Variants in C11orf65 observed in about 807,000 individuals in gnomAD.
The protein encoded by C11orf65 is protein MFI.
C11orf65 carries 38 observed loss-of-function variants against 35.3 expected under a neutral mutation model. The observed-to-expected ratio is 1.08, with a 90% CI of 0.83 to 1.41. C11orf65 has a LOEUF of 1.41. Ranked by LOEUF, C11orf65 falls within the 40% of genes most tolerant of loss-of-function variation. C11orf65 has a pLI of 0.00. For synonymous variants in C11orf65, 105 were observed against 114.4 expected (o/e 0.92, Z 0.53); for missense variants, 370 against 367.1 (o/e 1.01, Z -0.06).
chr11:108,462,809 C>T (rs17108024), intron 1 of C11orf65, among the ~76,000 whole-genome samples: 34,072 of 152,100 alleles, frequency 0.22, 4,888 homozygotes, highest in African/African-American at 0.4. Flanking sequence ...CCAAAGTGAA[C>T]AAATTTTGCT....
intron 2 of C11orf65, among the ~76,000 whole-genome samples, chr11:108,345,547 A>G (rs533131058): frequency 1.3e-4 from 20 of 152,254 alleles, no homozygotes; most frequent in African/African-American, 4.6e-4. Context: ...CTCCCCCAAC[A>G]ATTAATATGG....
intron 3 of C11orf65, among the ~76,000 whole-genome samples, chr11:108,426,959 A>G (rs575083654): frequency 1.3e-4 from 20 of 152,296 alleles, no homozygotes; most frequent in African/African-American, 3.8e-4. Context: ...TTTAATAAAT[A>G]GTGCTGGGAA....
chr11:108,442,115 G>A (rs1227817401), intron 2 of C11orf65, among the ~76,000 whole-genome samples: 1 of 152,140 alleles, frequency 6.6e-6, no homozygotes, highest in East Asian at 1.9e-4. Context: ...AAGAAACAGT[G>A]TAGAGAAGAC....
chr11:108,330,365 C>T (rs2086130320), downstream of C11orf65: 1 of 1,614,048 alleles, frequency 6.2e-7, no homozygotes, highest in South Asian at 1.1e-5. Flanking sequence ...GGTATTCCGA[C>T]TTTGTTCCCT....
intron 2 of C11orf65, among the ~76,000 whole-genome samples, chr11:108,445,741 C>A (rs1360740454): frequency 3.3e-5 from 5 of 152,142 alleles, no homozygotes; most frequent in Non-Finnish European, 7.3e-5. Context: ...GAACGCAGCT[C>A]CTCACCAGCA....
downstream of C11orf65, chr11:108,330,363 G>A (rs773944604): frequency 1.2e-6 from 2 of 1,614,130 alleles, no homozygotes; most frequent in Non-Finnish European, 1.7e-6. Context: ...TGGGTATTCC[G>A]ACTTTGTTCC....
At chr11:108,464,719 T>C (rs536107118) in intron 1 of C11orf65, among the ~76,000 whole-genome samples, 6 of 152,172 alleles carry the variant, frequency 3.9e-5, no homozygotes, top group African/African-American at 7.2e-5. Context: ...CTAAGAATGA[T>C]TGTCTCTAGG....
intron 7 of C11orf65, among the ~76,000 whole-genome samples, chr11:108,392,235 T>TG (rs776094645): frequency 3.3e-5 from 5 of 152,072 alleles, no homozygotes; most frequent in Admixed American, 2.6e-4. Context: ...TTTGTAGAGA[T>TG]GGGGTCTCGC....
intron 2 of C11orf65, among the ~76,000 whole-genome samples, chr11:108,375,072 T>C (rs1423079818): frequency 6.6e-6 from 1 of 152,150 alleles, no homozygotes; most frequent in South Asian, 2.1e-4. Context: ...TGCAGGATAT[T>C]ATCCAGGAGA....
At chr11:108,336,879 A>G (rs2086914014) in intron 2 of C11orf65, among the ~76,000 whole-genome samples, 1 of 148,406 alleles carries the variant, frequency 6.7e-6, no homozygotes, top group South Asian at 2.1e-4. Flanking sequence ...AGAAATAACA[A>G]TAAATCCTTA....
chr11:108,395,597 G>A (rs917712959), intron 6 of C11orf65, among the ~76,000 whole-genome samples: 27 of 150,120 alleles, frequency 1.8e-4, no homozygotes, highest in African/African-American at 6.4e-4. Flanking sequence ...GATTACAGGC[G>A]TGAGCCACTG....
rs147263442 is a variant in C11orf65 at position 108,406,951 on chromosome 11, G to T, written c.241C>A (p.Pro81Thr). 3.5e-5 allele frequency: 56 copies of T among 1,608,280 alleles called. No homozygotes were observed. The African/African-American group carries it at 7.2e-4, about 21-fold the overall frequency. ...RFRLGGVKFP[P>T]DIYYKIFTHR... The stretch of plus-strand genomic sequence containing the variant: ...GTAAAAATCTTATAGTATATATCAG[G>T]TGGAAATTTAACCTGTAGAAGGAAA... Residue 81 changes from proline (P) to threonine (T), a missense_variant, in exon 5 of 9, where the codon CCT (proline) becomes ACT (threonine). Coordinates refer to ENST00000393084, the MANE Select transcript of C11orf65 (RefSeq NM_152587.5).
At chr11:108,379,011 C>A (rs575275423), downstream of C11orf65, among the ~76,000 whole-genome samples, 35 of 152,026 alleles carry the variant, frequency 2.3e-4, no homozygotes, top group South Asian at 1.9e-3. Context: ...AAATAGGAAC[C>A]CTTTTACACT....
At chr11:108,425,766 G>A (rs574531024) in intron 3 of C11orf65, among the ~76,000 whole-genome samples, 61 of 152,226 alleles carry the variant, frequency 4.0e-4, no homozygotes, top group Non-Finnish European at 6.8e-4. Context: ...CTGGCAAACC[G>A]AATCTAGCAG....
chr11:108,384,242 T>C (rs2091935623), intron 8 of C11orf65, among the ~76,000 whole-genome samples: 1 of 152,180 alleles, frequency 6.6e-6, no homozygotes, highest in Non-Finnish European at 1.5e-5. Context: ...TGGAGGCTAT[T>C]GCAGAAGCCT....
At chr11:108,400,797 G>A (rs1013819458) in intron 6 of C11orf65, among the ~76,000 whole-genome samples, 2 of 152,132 alleles carry the variant, frequency 1.3e-5, no homozygotes, top group Non-Finnish European at 2.9e-5. Flanking sequence ...AGCCACCACA[G>A]AGTTCATCAA....
intron 2 of C11orf65, among the ~76,000 whole-genome samples, chr11:108,449,708 T>C (rs2093319724): frequency 6.6e-6 from 1 of 152,034 alleles, no homozygotes. Flanking sequence ...GGCAATACCA[T>C]TCAGGACATA....
chr11:108,350,617 A>G (rs1284201353), intron 2 of C11orf65, among the ~76,000 whole-genome samples: 1 of 152,222 alleles, frequency 6.6e-6, no homozygotes, highest in East Asian at 1.9e-4. Flanking sequence ...ATTGTGAGCT[A>G]GGTCCATGCC....
intron 2 of C11orf65, among the ~76,000 whole-genome samples, chr11:108,460,795 G>A (rs1241096627): frequency 6.6e-6 from 1 of 151,948 alleles, no homozygotes; most frequent in Admixed American, 6.6e-5. Context: ...GCGTGATCTC[G>A]GCTCATCACA....
Sources: gnomAD v4.1 joint callset for allele counts (sites outside exome capture counted in the v4.1 genomes callset) on GRCh38, gnomAD v4.1.1 for gene constraint, MANE v1.5 for transcripts, NCBI Gene and HGNC (gene_info 2026-07-23, HGNC 2026-07-21) for gene names.